Variants in PLOD1 observed in about 807,000 individuals in gnomAD.
The protein encoded by PLOD1 is lysine hydroxylase.
Under a neutral mutation model 94.7 loss-of-function variants are expected in PLOD1, and 70 were observed. The ratio of observed to expected loss-of-function variants is 0.74; its 90% CI spans 0.61 to 0.90. The LOEUF is 0.90. PLOD1 is among the 40% of genes least tolerant of loss of function. PLOD1 has a pLI of 0.00. For synonymous variants in PLOD1, 417 were observed against 400.2 expected (o/e 1.04, Z -0.50); for missense variants, 905 against 972.7 (o/e 0.93, Z 0.93).
chr1:11,935,515 T>C (rs1375172315), intron 1 of PLOD1, among the ~76,000 whole-genome samples: 1 of 152,208 alleles, frequency 6.6e-6, no homozygotes, highest in Non-Finnish European at 1.5e-5. Context: ...TAATGTATTA[T>C]TTATTTAGTT....
At chr1:11,940,168 G>A (rs1645606370) in intron 1 of PLOD1, among the ~76,000 whole-genome samples, 1 of 152,138 alleles carries the variant, frequency 6.6e-6, no homozygotes, top group South Asian at 2.1e-4. Context: ...GCCTAGAGGT[G>A]CGTGCCACCA....
chr1:11,973,815 A>C lies in PLOD1; in HGVS notation c.2028+818A>C, dbSNP rs1018191677. Among the ~76,000 whole-genome samples, 9 of 151,022 alleles carry C rather than the reference A, an allele frequency of 6.0e-5. No individual in the cohort carries two copies. In the South Asian group the frequency reaches 1.5e-3, roughly 25 times the overall value. On this transcript the variant is annotated intron_variant, in intron 18 of 18. Coordinates refer to ENST00000196061, the MANE Select transcript of PLOD1 (RefSeq NM_000302.4). ...CAGGCTGGAGCTATAATTTTTTGAGAGCTTACAACAAACATATCAGGCATC... is the reference window on the plus strand; with the variant it reads ...CAGGCTGGAGCTATAATTTTTTGAGCGCTTACAACAAACATATCAGGCATC...
intron 1 of PLOD1, among the ~76,000 whole-genome samples, chr1:11,941,611 C>A (rs1326569755): frequency 2.0e-5 from 3 of 151,966 alleles, no homozygotes. Context: ...TCCTGAATAG[C>A]AGGGATTATA....
Position 11,972,539 on chromosome 1 carries a change from A to C in PLOD1, c.1903-333A>C. ...AAGTGCTGGAATTACAGGCGTGAGT[A>C]CCATGTCCGGCCTCCTTCCCTTTCA... On this transcript the variant is annotated intron_variant, in intron 17 of 18. Transcript: ENST00000196061. This position sits in a 1 kb window ranked among gnomAD's most constrained non-coding sequence, Gnocchi z 4.6. 1 of 330,296 alleles carries C rather than the reference A, an allele frequency of 3.0e-6. No individual in the cohort carries two copies. The highest frequency in any genetic ancestry group is 6.0e-6 in the Non-Finnish European group (1 of 168,012). 20.5% of individuals were successfully genotyped at this position (330,296 alleles called of 1,614,324 possible).
rs1460477053 is a variant in PLOD1, at chr1:11,957,536, T to C, written c.742-306T>C. 1.3e-5 allele frequency among the ~76,000 whole-genome samples: 2 copies of C among 152,164 alleles called. No individual in the cohort carries two copies. The highest frequency in any genetic ancestry group is 2.9e-5 in the Non-Finnish European group (2 of 68,020). On this transcript the variant is annotated intron_variant, in intron 7 of 18. Coordinates refer to ENST00000196061, the MANE Select transcript of PLOD1 (RefSeq NM_000302.4). This position sits in a 1 kb window ranked among gnomAD's most constrained non-coding sequence, Gnocchi z 4.1. Reference sequence around the variant, plus strand: ...GAGGGAGAGGAAGGAGGATGTGATGTGTTTAAAATGCAAATTTGCTGATTT... The same window carrying C: ...GAGGGAGAGGAAGGAGGATGTGATGCGTTTAAAATGCAAATTTGCTGATTT...
intron 1 of PLOD1, among the ~76,000 whole-genome samples, chr1:11,940,799 T>G (rs1645609951): frequency 6.6e-6 from 1 of 152,160 alleles, no homozygotes; most frequent in African/African-American, 2.4e-5. Context: ...AAATGAATCT[T>G]CCACATCCAT....
chr1:11,953,447 C>G (rs1349502475), intron 5 of PLOD1, among the ~76,000 whole-genome samples: 2 of 152,100 alleles, frequency 1.3e-5, no homozygotes, highest in Non-Finnish European at 2.9e-5. Flanking sequence ...TCACCATTTA[C>G]TAGCTGTGTG....
At chr1:11,941,081 G>A (rs1645611874) in intron 1 of PLOD1, among the ~76,000 whole-genome samples, 1 of 152,132 alleles carries the variant, frequency 6.6e-6, no homozygotes, top group Non-Finnish European at 1.5e-5. Context: ...CTGTGCCTCG[G>A]TTTCCTCACC....
At position 11,949,172 on chromosome 1, in the gene PLOD1, CT is replaced by C. The variant is rs1569684900; in HGVS notation, c.169-596del. Among the ~76,000 whole-genome samples, 3 of 152,192 alleles carry C rather than the reference CT, an allele frequency of 2.0e-5. No individual in the cohort carries two copies. The East Asian group carries it at 5.8e-4, about 29-fold the overall frequency. ...CTTCAGCAGAAGGAGACAGGCTTTC[CT>C]TTTTAGGAAAGGCCTGCAGACTGTT... On this transcript the variant is annotated intron_variant, in intron 2 of 18. Transcript: ENST00000196061.
At chr1:11,938,357 G>A (rs1253530322) in intron 1 of PLOD1, among the ~76,000 whole-genome samples, 1 of 152,154 alleles carries the variant, frequency 6.6e-6, no homozygotes, top group Admixed American at 6.6e-5. Flanking sequence ...GCTGGTTGGA[G>A]GTGGGGTCAT....
chr1:11,950,559 G>T (rs1437186233), intron 4 of PLOD1, 39 bp downstream of exon 4: 1 of 1,600,252 alleles, frequency 6.2e-7, no homozygotes, highest in African/African-American at 1.3e-5. Flanking sequence ...CCCAGCAGAG[G>T]GGTCCATCTA....
intron 13 of PLOD1, 24 bp downstream of exon 13, chr1:11,964,809 G>A (rs772645657): frequency 1.2e-6 from 2 of 1,612,908 alleles, no homozygotes; most frequent in Non-Finnish European, 1.7e-6. Flanking sequence ...GGGCAGCACA[G>A]GACGCCCTCT....
chr1:11,949,697 A>G, intron 2 of PLOD1, 76 bp from the exon 3 acceptor site: 3 of 1,500,376 alleles, frequency 2.0e-6, no homozygotes, highest in Admixed American at 1.7e-5. Context: ...TGGGATTACC[A>G]GCATGAGCCA....
At position 11,964,703 on chromosome 1, in the gene PLOD1, G is replaced by C; in HGVS notation, c.1388G>C (p.Arg463Pro). Residue 463 changes from arginine (R) to proline (P), a missense_variant, in exon 13 of 19, where the codon CGG becomes CCG. Coordinates refer to ENST00000196061, the MANE Select transcript of PLOD1 (RefSeq NM_000302.4). The stretch of plus-strand genomic sequence containing the variant: ...TACTTGATCAAGGGCAGTGCCCTGC[G>C]GGGTGAGCTGCAGTCCTCAGATCTC... ...NIYLIKGSAL[R>P]GELQSSDLFH... The C allele has an allele frequency of 6.2e-7, 1 of 1,613,404 alleles. No homozygotes were observed. Among genetic ancestry groups the C allele is most frequent in the Non-Finnish European group, 8.5e-7 (1 of 1,179,820 alleles).
In PLOD1 at chr1:11,958,209, T is replaced by C. The variant is rs1645752760; in HGVS notation, c.843+266T>C. Reference sequence around the variant, plus strand: ...AGGCTCTCCTGCAGCCCCCTCCCCATCCCATGAACCTCATCCTCATTTATG... The same window carrying C: ...AGGCTCTCCTGCAGCCCCCTCCCCACCCCATGAACCTCATCCTCATTTATG... On this transcript the variant is annotated intron_variant, in intron 8 of 18. Transcript: ENST00000196061. The surrounding 1 kb of genome is among the most constrained non-coding windows in gnomAD (Gnocchi z 4.3). Among the ~76,000 whole-genome samples, 3 of 151,244 alleles carry C rather than the reference T, an allele frequency of 2.0e-5. No individual in the cohort carries two copies. Among genetic ancestry groups the C allele is most frequent in the Non-Finnish European group, 2.9e-5 (2 of 67,830 alleles).
chr1:11,959,044 A>G (rs1309099079), intron 9 of PLOD1, among the ~76,000 whole-genome samples: 3 of 152,040 alleles, frequency 2.0e-5, no homozygotes, highest in Non-Finnish European at 4.4e-5. Flanking sequence ...GCCTCTACTA[A>G]AAATACAAAA....
chr1:11,963,445 G>A lies in PLOD1; in HGVS notation c.1098-87G>A, dbSNP rs1645792548. ...CTCTAAAGCCCCTTGGCTGATATGT[G>A]GTGAAGCCAGACTGTGGTCACAGAT... On this transcript the variant is annotated intron_variant, in intron 10 of 18. Coordinates refer to ENST00000196061, the MANE Select transcript of PLOD1 (RefSeq NM_000302.4). The surrounding 1 kb of genome is among the most constrained non-coding windows in gnomAD (Gnocchi z 4.3). The A allele has an allele frequency of 1.2e-6, 1 of 858,594 alleles. No individual in the cohort carries two copies. The highest frequency in any genetic ancestry group is 2.0e-5 in the Admixed American group (1 of 50,166). 53.2% of individuals were successfully genotyped at this position (858,594 alleles called of 1,614,324 possible). A position where few individuals can be genotyped will look rare whatever the true frequency, so the allele number is the denominator to read the frequency against.
intron 16 of PLOD1, among the ~76,000 whole-genome samples, chr1:11,968,836 G>A (rs1338232082): frequency 1.6e-5 from 2 of 125,474 alleles, no homozygotes; most frequent in Non-Finnish European, 3.3e-5. Context: ...CATTTTCTAC[G>A]TCCTTTTTTT....
chr1:11,955,809 A>G (rs1645733989), intron 6 of PLOD1, among the ~76,000 whole-genome samples: 1 of 151,884 alleles, frequency 6.6e-6, no homozygotes, highest in African/African-American at 2.4e-5. Context: ...TTTTTTTAGT[A>G]GAGATGGGGT....
Sources: allele counts gnomAD v4.1 joint callset (sites outside exome capture counted in the v4.1 genomes callset), GRCh38; gene constraint gnomAD v4.1.1; non-coding constraint Gnocchi (gnomAD v3.1); transcripts MANE v1.5; gene names NCBI Gene and HGNC (gene_info 2026-07-23, HGNC 2026-07-21).